The following PRKD1 variants were observed in gnomAD, a reference collection of about 807,000 sequenced individuals.
The protein encoded by PRKD1 is serine/threonine-protein kinase D1.
A neutral mutation model predicts 95.9 loss-of-function variants in PRKD1; 63 were observed. The ratio of observed to expected loss-of-function variants is 0.66; its 90% confidence interval spans 0.54 to 0.81. The LOEUF (loss-of-function observed/expected upper bound fraction) is 0.81, where lower values mean the gene tolerates loss of function less well. PRKD1 is among the 30% of genes least tolerant of loss of function. The probability of loss-of-function intolerance (pLI) is 0.00; values close to 1 mark genes in which losing one functional copy is unlikely to be tolerated. For synonymous variants in PRKD1, 425 were observed against 423.1 expected, an observed-to-expected ratio of 1.00 and a Z score of -0.05; for missense variants, 1,048 against 1,165.3, an observed-to-expected ratio of 0.90 and a Z score of 1.47.
rs1222853214 is a variant in PRKD1, at chr14:29,599,820, A to G, written c.1906-3T>C. 6.2e-7 allele frequency: 1 copy of G among 1,602,138 alleles called. No individual in the cohort carries two copies. Among genetic ancestry groups the G allele is most frequent in the Non-Finnish European group, 8.5e-7 (1 of 1,176,732 alleles). ...ACAACACCAGGGTGATGAAGGTTCTATTAAAGATAAATAAAGCACTTGAAG... is the reference window on the plus strand; with the variant it reads ...ACAACACCAGGGTGATGAAGGTTCTGTTAAAGATAAATAAAGCACTTGAAG... On this transcript the variant is annotated splice_region_variant and splice_polypyrimidine_tract_variant and intron_variant, in intron 13 of 17. Coordinates refer to ENST00000331968, the MANE Select transcript of PRKD1 (RefSeq NM_002742.3).
At chr14:29,819,550 C>T (rs1300299938) in intron 1 of PRKD1, among the ~76,000 whole-genome samples, 4 of 151,912 alleles carry the variant, frequency 2.6e-5, no homozygotes, top group East Asian at 1.9e-4. Flanking sequence ...ATTACCCGGG[C>T]GTGGTGGCGG....
At chr14:29,794,194 T>C (rs1368592143) in intron 1 of PRKD1, among the ~76,000 whole-genome samples, 1 of 151,978 alleles carries the variant, frequency 6.6e-6, no homozygotes, top group Non-Finnish European at 1.5e-5. Context: ...ATTTTATTCA[T>C]ACAAAACAAG....
intron 13 of PRKD1, among the ~76,000 whole-genome samples, chr14:29,612,940 T>TA (rs1035118905): frequency 6.6e-6 from 1 of 151,964 alleles, no homozygotes; most frequent in African/African-American, 2.4e-5. Context: ...CTACTAAAAA[T>TA]ACAAAAAATT....
In PRKD1 at chr14:29,634,606, T is replaced by G; in HGVS notation, c.1191-65A>C. 2.5e-6 allele frequency: 4 copies of G among 1,587,668 alleles called. No individual in the cohort carries two copies. In the South Asian group the frequency reaches 3.3e-5, roughly 13 times the overall value. On this transcript the variant is annotated intron_variant, in intron 7 of 17. Coordinates refer to ENST00000331968, the MANE Select transcript of PRKD1 (RefSeq NM_002742.3). ...GGTACATTTTATGTATTTTCATGCATAAAACCTTATGTCAGCTAATCCAAG... is the reference window on the plus strand; with the variant it reads ...GGTACATTTTATGTATTTTCATGCAGAAAACCTTATGTCAGCTAATCCAAG...
At chr14:29,688,035 A>C (rs564836209) in intron 2 of PRKD1, among the ~76,000 whole-genome samples, 138 of 152,348 alleles carry the variant, frequency 9.1e-4, no homozygotes, top group Non-Finnish European at 1.2e-3. Flanking sequence ...AATGGGTCTC[A>C]GTGAGCTAAA....
In PRKD1 at chr14:29,676,183, G is replaced by GTTT. The variant is rs34953735; in HGVS notation, c.404-9978_404-9976dup. Among the ~76,000 whole-genome samples the GTTT allele has an allele frequency of 3.4e-4, 23 of 67,444 alleles. 1 individual carries two copies. Among genetic ancestry groups the GTTT allele is most frequent in the African/African-American group, 8.6e-4 (12 of 13,938 alleles). 44.2% of individuals were successfully genotyped at this position (67,444 alleles called of 152,430 possible). A position where few individuals can be genotyped will look rare whatever the true frequency, so the allele number is the denominator to read the frequency against. ...GGCATGCATAGTTCATTACGTTTTTGTTTTTTTTTTTTTTTTTTTTGCTGA... is the reference window on the plus strand; with the variant it reads ...GGCATGCATAGTTCATTACGTTTTTGTTTTTTTTTTTTTTTTTTTTTTTGCTGA... On this transcript the variant is annotated intron_variant, in intron 2 of 17. Coordinates refer to ENST00000331968, the MANE Select transcript of PRKD1 (RefSeq NM_002742.3).
At chr14:29,866,929 T>C (rs1892928871) in intron 1 of PRKD1, among the ~76,000 whole-genome samples, 1 of 152,176 alleles carries the variant, frequency 6.6e-6, no homozygotes. Context: ...GCCTCACACA[T>C]GGTGGACACT....
chr14:29,733,640 G>A (rs186280012), intron 1 of PRKD1, among the ~76,000 whole-genome samples: 412 of 152,182 alleles, frequency 2.7e-3, no homozygotes, highest in Admixed American at 8.5e-3. Flanking sequence ...GCTGAGTGAA[G>A]GGAAGAACCT....
chr14:29,753,754 T>C (rs17096044), intron 1 of PRKD1, among the ~76,000 whole-genome samples: 1,902 of 152,236 alleles, frequency 0.012, 32 homozygotes, highest in African/African-American at 0.044. Context: ...TGTATCCAAA[T>C]TGCCATAGGT....
At chr14:29,858,849 G>C (rs989452788) in intron 1 of PRKD1, among the ~76,000 whole-genome samples, 2 of 151,912 alleles carry the variant, frequency 1.3e-5, no homozygotes, top group Admixed American at 6.6e-5. Context: ...CTGCTATTTA[G>C]AAAAAATGCT....
chr14:29,833,815 A>AT (rs1891507392), intron 1 of PRKD1, among the ~76,000 whole-genome samples: 1 of 152,120 alleles, frequency 6.6e-6, no homozygotes, highest in South Asian at 2.1e-4. Context: ...AATTTCATAT[A>AT]TAAAAAAGCA....
chr14:29,772,138 T>C (rs533720872), intron 1 of PRKD1, among the ~76,000 whole-genome samples: 1 of 152,186 alleles, frequency 6.6e-6, no homozygotes, highest in African/African-American at 2.4e-5. Context: ...TTGGGGGATA[T>C]TGGGATGGAA....
At chr14:29,623,059 T>G (rs1879382466) in intron 13 of PRKD1, among the ~76,000 whole-genome samples, 1 of 152,170 alleles carries the variant, frequency 6.6e-6, no homozygotes, top group African/African-American at 2.4e-5. Flanking sequence ...TTGCCAGTTG[T>G]TTGTAACTGA....
At chr14:29,891,064 G>A (rs1019159134) in intron 1 of PRKD1, among the ~76,000 whole-genome samples, 11 of 152,124 alleles carry the variant, frequency 7.2e-5, no homozygotes, top group East Asian at 1.9e-4. Context: ...GCTATGTACC[G>A]GCACTATCCT....
At chr14:29,644,718 A>G (rs1054219290) in intron 4 of PRKD1, among the ~76,000 whole-genome samples, 4 of 152,156 alleles carry the variant, frequency 2.6e-5, no homozygotes, top group Admixed American at 6.6e-5. Context: ...ACCTTTATAT[A>G]TGCCAAACTA....
chr14:29,814,705 C>T (rs1296970299), intron 1 of PRKD1, among the ~76,000 whole-genome samples: 2 of 152,186 alleles, frequency 1.3e-5, no homozygotes, highest in African/African-American at 4.8e-5. Flanking sequence ...TTCCCTGCTG[C>T]CTCCATTGCT....
At chr14:29,829,652 CAT>C (rs1332673514) in intron 1 of PRKD1, among the ~76,000 whole-genome samples, 3 of 152,078 alleles carry the variant, frequency 2.0e-5, no homozygotes, top group African/African-American at 7.2e-5. Flanking sequence ...ACCATCATAA[CAT>C]AGTATTTCTC....
chr14:29,595,454 AC>A (rs1158843728), intron 16 of PRKD1, among the ~76,000 whole-genome samples: 1 of 152,144 alleles, frequency 6.6e-6, no homozygotes, highest in African/African-American at 2.4e-5. Context: ...TCCCCAACTA[AC>A]ATTCAAGTTC....
intron 15 of PRKD1, among the ~76,000 whole-genome samples, chr14:29,598,680 G>GA (rs1893403127): frequency 6.6e-6 from 1 of 152,146 alleles, no homozygotes; most frequent in Non-Finnish European, 1.5e-5. Flanking sequence ...TTGAGGAAAG[G>GA]AAAAAAGTTT....
Sources: allele counts gnomAD v4.1 joint callset (sites outside exome capture counted in the v4.1 genomes callset), GRCh38; gene constraint gnomAD v4.1.1; transcripts MANE v1.5; gene names NCBI Gene and HGNC (gene_info 2026-07-23, HGNC 2026-07-21).